Variants in C1QTNF7 observed in about 807,000 individuals in gnomAD.
C1QTNF7 encodes the protein C1q and TNF related 7.
Under a neutral mutation model 19.6 loss-of-function variants are expected in C1QTNF7, and 15 were observed. The ratio of observed to expected loss-of-function variants is 0.76; its 90% CI spans 0.51 to 1.18. The LOEUF is 1.18. Ranked by LOEUF, C1QTNF7 falls within the 50% of genes most tolerant of loss-of-function variation. The pLI, the probability that C1QTNF7 is intolerant of heterozygous loss-of-function variation, is 0.00. For missense variants in C1QTNF7, 324 were observed against 359.7 expected (o/e 0.90, Z 0.80); for synonymous variants, 142 against 137.5 (o/e 1.03, Z -0.23).
intron 1 of C1QTNF7, among the ~76,000 whole-genome samples, chr4:15,420,792 GT>G (rs1212613801): frequency 1.5e-5 from 2 of 129,428 alleles, no homozygotes; most frequent in Non-Finnish European, 3.2e-5. Context: ...ATTTCTGCTA[GT>G]TTAGACTCTA....
At chr4:15,350,219 GAAGGAAGGAGGAAAGA>G (rs1716871030) in intron 1 of C1QTNF7, among the ~76,000 whole-genome samples, 1 of 111,126 alleles carries the variant, frequency 9.0e-6, no homozygotes, top group Non-Finnish European at 1.9e-5. Context: ...GGAAGGGAGG[GAAGGAAGGAGGAAAGA>G]AGGGAGGGAG....
At chr4:15,440,959 G>A (rs563234184) in intron 2 of C1QTNF7, among the ~76,000 whole-genome samples, 2 of 152,144 alleles carry the variant, frequency 1.3e-5, no homozygotes, top group African/African-American at 4.8e-5. Context: ...TGGCCAACAT[G>A]GCAAAAGCCC....
chr4:15,440,272 C>A (rs1359726054), intron 2 of C1QTNF7, among the ~76,000 whole-genome samples: 2 of 152,018 alleles, frequency 1.3e-5, no homozygotes, highest in African/African-American at 4.8e-5. Flanking sequence ...ATGATACAAC[C>A]GTTTAGTGAC....
At chr4:15,437,252 G>A (rs1712574777) in intron 2 of C1QTNF7, among the ~76,000 whole-genome samples, 1 of 151,760 alleles carries the variant, frequency 6.6e-6, no homozygotes, top group South Asian at 2.1e-4. Flanking sequence ...GAAAGACTTT[G>A]GCTCAAATCT....
intron 1 of C1QTNF7, among the ~76,000 whole-genome samples, chr4:15,370,519 T>G (rs1717682860): frequency 1.3e-5 from 2 of 152,180 alleles, no homozygotes. Flanking sequence ...GCTTCCAGTC[T>G]CTGTTCCCTC....
intron 1 of C1QTNF7, among the ~76,000 whole-genome samples, chr4:15,347,083 G>A (rs543830201): frequency 6.6e-6 from 1 of 152,280 alleles, no homozygotes; most frequent in South Asian, 2.1e-4. Context: ...GAGATGTAAA[G>A]AAAGACTCTC....
intron 1 of C1QTNF7, among the ~76,000 whole-genome samples, chr4:15,417,182 G>C (rs1392646977): frequency 6.6e-6 from 1 of 152,004 alleles, no homozygotes; most frequent in African/African-American, 2.4e-5. Context: ...TCATAATGTA[G>C]AATGAACCAC....
upstream of C1QTNF7, chr4:15,427,802 A>G (rs1712120089): frequency 6.5e-6 from 1 of 152,766 alleles, no homozygotes; most frequent in South Asian, 2.1e-4. Flanking sequence ...GCCACAACAC[A>G]CAGAGATGGA....
chr4:15,405,429 C>T (rs543286155), intron 1 of C1QTNF7, among the ~76,000 whole-genome samples: 1 of 152,270 alleles, frequency 6.6e-6, no homozygotes, highest in East Asian at 1.9e-4. Context: ...CCCAAGCCCT[C>T]CCACAAAGGC....
chr4:15,409,107 A>G (rs1719310315), intron 1 of C1QTNF7, among the ~76,000 whole-genome samples: 1 of 152,234 alleles, frequency 6.6e-6, no homozygotes, highest in African/African-American at 2.4e-5. Context: ...GCTCAAAAAC[A>G]TCTCCAACTA....
chr4:15,423,938 T>A (rs1304375081), upstream of C1QTNF7, among the ~76,000 whole-genome samples: 2 of 152,218 alleles, frequency 1.3e-5, no homozygotes, highest in Admixed American at 1.3e-4. Flanking sequence ...TATCCTTTAT[T>A]TTTTTCCTTC....
At chr4:15,385,763 T>G (rs538633289) in intron 1 of C1QTNF7, among the ~76,000 whole-genome samples, 6 of 152,282 alleles carry the variant, frequency 3.9e-5, no homozygotes, top group African/African-American at 1.4e-4. Flanking sequence ...CCCACTCCAG[T>G]TCTCAGTACC....
intron 1 of C1QTNF7, among the ~76,000 whole-genome samples, chr4:15,403,613 C>T (rs1161450287): frequency 6.6e-6 from 1 of 152,100 alleles, no homozygotes; most frequent in East Asian, 1.9e-4. Flanking sequence ...TTAGGGTGCA[C>T]CCTAATCCAG....
At chr4:15,406,724 T>G (rs1293536922) in intron 1 of C1QTNF7, among the ~76,000 whole-genome samples, 1 of 152,194 alleles carries the variant, frequency 6.6e-6, no homozygotes, top group Non-Finnish European at 1.5e-5. Context: ...TAAAAATTAC[T>G]CTGTAGAATT....
At chr4:15,416,650 T>C (rs1465032862) in intron 1 of C1QTNF7, among the ~76,000 whole-genome samples, 2 of 152,232 alleles carry the variant, frequency 1.3e-5, no homozygotes, top group South Asian at 2.1e-4. Context: ...AGGGACTCAG[T>C]CCTTGACCCT....
intron 1 of C1QTNF7, among the ~76,000 whole-genome samples, chr4:15,398,529 G>C (rs564987498): frequency 6.6e-6 from 1 of 152,202 alleles, no homozygotes; most frequent in Admixed American, 6.5e-5. Flanking sequence ...GGACTACCTG[G>C]GTCTAGGCTC....
At chr4:15,340,085 T>C in exon 1 of C1QTNF7, 1 of 1,280,932 alleles carries the variant, frequency 7.8e-7, no homozygotes, top group Non-Finnish European at 1.1e-6. Context: ...TTGGAGTAGC[T>C]TCGAATAATA....
chr4:15,439,214 G>T (rs577250216), intron 2 of C1QTNF7, among the ~76,000 whole-genome samples: 1 of 152,198 alleles, frequency 6.6e-6, no homozygotes, highest in Non-Finnish European at 1.5e-5. Context: ...AACAGGAAGA[G>T]TAACTATACA....
At position 15,377,864 on chromosome 4, in the gene C1QTNF7, A is replaced by G. The variant is rs545252080; in HGVS notation, c.13+37657A>G. Among the ~76,000 whole-genome samples the G allele has an allele frequency of 2.0e-5, 3 of 152,368 alleles. No individual in the cohort carries two copies. In the East Asian group the frequency reaches 5.8e-4, roughly 29 times the overall value. On this transcript the variant is annotated intron_variant, in intron 1 of 2. Coordinates refer to the C1QTNF7 transcript ENST00000295297. ...TAAACAACTTAGCACCGCAACTAGC[A>G]TAATAGATACCTAAGAAACAAGAGT...
Sources: allele counts gnomAD v4.1 joint callset (sites outside exome capture counted in the v4.1 genomes callset), GRCh38; gene constraint gnomAD v4.1.1; transcripts MANE v1.5; gene names NCBI Gene and HGNC (gene_info 2026-07-23, HGNC 2026-07-21).